The following MAP2K5 variants were observed in gnomAD, a reference collection of about 807,000 sequenced individuals.
MAP2K5 encodes the protein mitogen-activated protein kinase kinase 5, also known as dual specificity mitogen-activated protein kinase kinase 5.
MAP2K5 carries 49 observed loss-of-function variants against 83.1 expected under a neutral mutation model. The ratio of observed to expected loss-of-function variants is 0.59; its 90% CI spans 0.47 to 0.75. The LOEUF (loss-of-function observed/expected upper bound fraction) is 0.75, where lower values mean the gene tolerates loss of function less well. Ranked by LOEUF, MAP2K5 falls within the 30% of genes least tolerant of loss-of-function variation. MAP2K5 has a pLI of 0.00. For synonymous variants in MAP2K5, 202 were observed against 191.8 expected, an observed-to-expected ratio of 1.05 and a Z score of -0.44; for missense variants, 457 against 557.5, an observed-to-expected ratio of 0.82 and a Z score of 1.82.
rs769430298 is a variant in MAP2K5, at chr15:67,770,950, A to C, written c.1196+1287A>C. The stretch of plus-strand genomic sequence containing the variant: ...ATATAATATTGTGTAGCTTTTAAAA[A>C]CTATTTTTACTCTGAAAACATTTTA... On this transcript the variant is annotated intron_variant, in intron 20 of 21. Transcript: ENST00000178640. This position sits in a 1 kb window ranked among gnomAD's most constrained non-coding sequence, Gnocchi z 5.0. 6.6e-6 allele frequency among the ~76,000 whole-genome samples: 1 copy of C among 152,148 alleles called. No homozygotes were observed. Among genetic ancestry groups the C allele is most frequent in the Non-Finnish European group, 1.5e-5 (1 of 68,020 alleles).
At chr15:67,627,018 ACCT>A (rs36104348) in intron 8 of MAP2K5, among the ~76,000 whole-genome samples, 102,268 of 151,622 alleles carry the variant, frequency 0.67, 35,594 homozygotes, top group Middle Eastern at 0.79. Flanking sequence ...CTGCAGCCTG[ACCT>A]CCTGGACTCA....
At chr15:67,686,461 G>A (rs1335441916) in intron 13 of MAP2K5, among the ~76,000 whole-genome samples, 1 of 151,822 alleles carries the variant, frequency 6.6e-6, no homozygotes, top group Non-Finnish European at 1.5e-5. Flanking sequence ...ACAAAAACTA[G>A]CTGGGGGTGG....
At chr15:67,566,748 G>A (rs750141315) in intron 3 of MAP2K5, among the ~76,000 whole-genome samples, 1 of 152,192 alleles carries the variant, frequency 6.6e-6, no homozygotes, top group Non-Finnish European at 1.5e-5. Flanking sequence ...CAGTACAAGT[G>A]TACATTTTTA....
chr15:67,753,363 T>A (rs900582268), intron 19 of MAP2K5, among the ~76,000 whole-genome samples: 1 of 152,086 alleles, frequency 6.6e-6, no homozygotes, highest in Non-Finnish European at 1.5e-5. Context: ...TCAAAAACTT[T>A]TGTGTGTCAA....
intron 17 of MAP2K5, among the ~76,000 whole-genome samples, chr15:67,734,250 TA>T (rs1213199388): frequency 6.6e-6 from 1 of 152,226 alleles, no homozygotes; most frequent in Non-Finnish European, 1.5e-5. Flanking sequence ...AGGTCCTTTT[TA>T]TTATATGCAA....
chr15:67,582,530 T>C (rs2085201370), intron 4 of MAP2K5, among the ~76,000 whole-genome samples: 1 of 152,140 alleles, frequency 6.6e-6, no homozygotes, highest in Admixed American at 6.6e-5. Context: ...TGGAGAAATA[T>C]ACTTCCAGGC....
intron 11 of MAP2K5, among the ~76,000 whole-genome samples, chr15:67,647,699 G>A (rs541006225): frequency 1.2e-3 from 178 of 152,070 alleles, no homozygotes; most frequent in African/African-American, 4.0e-3. Context: ...GCGAAAACCC[G>A]TCTCTATAGA....
chr15:67,574,354 G>A (rs923929141), intron 3 of MAP2K5, among the ~76,000 whole-genome samples: 19 of 151,854 alleles, frequency 1.3e-4, no homozygotes, highest in African/African-American at 3.9e-4. Flanking sequence ...GGTGGATCAC[G>A]TGAGGTCAGG....
At chr15:67,584,133 T>C (rs2085241970) in intron 4 of MAP2K5, among the ~76,000 whole-genome samples, 1 of 152,208 alleles carries the variant, frequency 6.6e-6, no homozygotes, top group Admixed American at 6.5e-5. Flanking sequence ...GGCTAAGTCC[T>C]CTACATTGTT....
chr15:67,627,592 A>G (rs1442742269), intron 8 of MAP2K5, among the ~76,000 whole-genome samples: 1 of 152,214 alleles, frequency 6.6e-6, no homozygotes, highest in Non-Finnish European at 1.5e-5. Context: ...GTAACATTTT[A>G]CTTGTAAACG....
chr15:67,667,657 A>G (rs2087416616), intron 13 of MAP2K5, among the ~76,000 whole-genome samples: 1 of 152,182 alleles, frequency 6.6e-6, no homozygotes, highest in Admixed American at 6.5e-5. Flanking sequence ...CAGAGTAAAA[A>G]AAAAAAGAAA....
chr15:67,735,929 A>T (rs1222115706), intron 17 of MAP2K5, among the ~76,000 whole-genome samples: 1 of 152,126 alleles, frequency 6.6e-6, no homozygotes. Context: ...TGCAAGAAGC[A>T]TGGGAAAGGA....
chr15:67,740,496 G>A (rs1596889085), intron 17 of MAP2K5, among the ~76,000 whole-genome samples: 1 of 152,190 alleles, frequency 6.6e-6, no homozygotes, highest in East Asian at 1.9e-4. Flanking sequence ...GGAGGCGGAG[G>A]TGGGAGGATC....
At chr15:67,669,564 G>A (rs1286959564) in intron 13 of MAP2K5, among the ~76,000 whole-genome samples, 1 of 152,094 alleles carries the variant, frequency 6.6e-6, no homozygotes, top group East Asian at 1.9e-4. Flanking sequence ...CAGCTGTTAG[G>A]AAAATGTTTT....
chr15:67,730,853 A>G (rs1243395550), intron 17 of MAP2K5, among the ~76,000 whole-genome samples: 1 of 152,200 alleles, frequency 6.6e-6, no homozygotes, highest in Non-Finnish European at 1.5e-5. Context: ...ACCATGAGCC[A>G]GAGTATTAGA....
At chr15:67,667,724 G>A (rs1018961637) in intron 13 of MAP2K5, among the ~76,000 whole-genome samples, 5 of 152,114 alleles carry the variant, frequency 3.3e-5, no homozygotes, top group African/African-American at 1.2e-4. Context: ...GATGTGTTCA[G>A]TATCTAATGA....
chr15:67,773,202 T>C (rs1384780755), intron 21 of MAP2K5, among the ~76,000 whole-genome samples: 1 of 152,172 alleles, frequency 6.6e-6, no homozygotes, highest in Non-Finnish European at 1.5e-5. Flanking sequence ...CTTTGGTCTT[T>C]CCTCAGAAAG....
At chr15:67,588,074 T>C in intron 6 of MAP2K5, 1 of 985,314 alleles carries the variant, frequency 1.0e-6, no homozygotes, top group Non-Finnish European at 1.2e-6. Context: ...AGTCATTCCC[T>C]GCTTTAAAAC....
chr15:67,704,949 C>G (rs925061480), intron 16 of MAP2K5, among the ~76,000 whole-genome samples: 3 of 152,198 alleles, frequency 2.0e-5, no homozygotes, highest in African/African-American at 7.2e-5. Context: ...AGGTTTGCTA[C>G]TAGTTTTTTA....
Sources: gnomAD v4.1 joint callset for allele counts (sites outside exome capture counted in the v4.1 genomes callset) on GRCh38, gnomAD v4.1.1 for gene constraint, Gnocchi (gnomAD v3.1) non-coding constraint, MANE v1.5 for transcripts, NCBI Gene and HGNC (gene_info 2026-07-23, HGNC 2026-07-21) for gene names.